UAP1: variants seen among roughly 807,000 people sequenced by gnomAD.
UAP1 encodes the protein UDP-N-acetylglucosamine pyrophosphorylase 1.
In UAP1, 25 loss-of-function variants were observed where a neutral mutation model predicts 58.5. The ratio of observed to expected loss-of-function variants is 0.43; its 90% CI spans 0.31 to 0.60. The LOEUF (loss-of-function observed/expected upper bound fraction) is 0.60, where lower values mean the gene tolerates loss of function less well. Among genes scored for constraint, UAP1 ranks in the 20% least tolerant of loss-of-function variants. UAP1 has a pLI of 0.11. For missense variants in UAP1, 575 were observed against 630.0 expected (o/e 0.91, Z 0.93); for synonymous variants, 208 against 213.0 (o/e 0.98, Z 0.21).
chr1:162,573,390 C>T (rs955122026), intron 2 of UAP1, among the ~76,000 whole-genome samples: 1 of 152,130 alleles, frequency 6.6e-6, no homozygotes, highest in Non-Finnish European at 1.5e-5. Context: ...AGACTCTTAA[C>T]TTCTCTGAGT....
chr1:162,572,698 C>G (rs553250494), intron 2 of UAP1, among the ~76,000 whole-genome samples: 2 of 152,246 alleles, frequency 1.3e-5, no homozygotes, highest in Admixed American at 6.5e-5. Flanking sequence ...ATTATAACAC[C>G]TTTGATGGTA....
chr1:162,575,784 T>G (rs374542759), intron 2 of UAP1, among the ~76,000 whole-genome samples: 1 of 151,232 alleles, frequency 6.6e-6, no homozygotes, highest in East Asian at 2.0e-4. Flanking sequence ...CACTGCAACC[T>G]CCGCCTTCTG....
At chr1:162,561,663 C>G (rs1024866091) in exon 1 of UAP1, 3 of 152,488 alleles carry the variant, frequency 2.0e-5, no homozygotes, top group South Asian at 4.1e-4. Context: ...CCCGGCCCGC[C>G]CCGCCGCCGC....
At chr1:162,588,367 G>T (rs1000844916) in intron 6 of UAP1, among the ~76,000 whole-genome samples, 1 of 152,106 alleles carries the variant, frequency 6.6e-6, no homozygotes, top group African/African-American at 2.4e-5. Flanking sequence ...TATGCCATTT[G>T]TAGCTGTGTT....
At chr1:162,583,432 C>T (rs1008256830) in intron 5 of UAP1, among the ~76,000 whole-genome samples, 7 of 151,788 alleles carry the variant, frequency 4.6e-5, no homozygotes, top group South Asian at 4.2e-4. Context: ...GGATTACAGG[C>T]GTGAGCCACC....
chr1:162,597,610 G>A (rs1162133224), intron 9 of UAP1, 182 bp from the exon 10 acceptor site: 6 of 530,158 alleles, frequency 1.1e-5, no homozygotes, highest in African/African-American at 9.7e-5. Context: ...CTTCTGACCT[G>A]AGAATTTCAT....
chr1:162,590,460 C>CA lies in UAP1; in HGVS notation c.1308dup (p.Gly437ArgfsTer7). On this transcript the variant is annotated frameshift_variant, in exon 8 of 11. Coordinates refer to ENST00000271469, the Ensembl canonical transcript of UAP1. LOFTEE classifies it high-confidence loss of function. The stretch of plus-strand genomic sequence containing the variant: ...CTTCATCATTGCTGGGTCCTCAATG[C>CA]AGGGGGCCATTTCATAGATGAAAAT... The CA allele has an allele frequency of 6.2e-7, 1 of 1,609,976 alleles. No individual in the cohort carries two copies. The highest frequency in any genetic ancestry group is 1.1e-5 in the South Asian group (1 of 90,208).
intron 4 of UAP1, among the ~76,000 whole-genome samples, chr1:162,579,883 G>T (rs1654476257): frequency 6.6e-6 from 1 of 151,968 alleles, no homozygotes; most frequent in African/African-American, 2.4e-5. Context: ...TACAATTTTT[G>T]AGACAGAGTC....
chr1:162,565,286 T>C (rs1379754841), intron 1 of UAP1, among the ~76,000 whole-genome samples: 2 of 152,314 alleles, frequency 1.3e-5, no homozygotes, highest in East Asian at 1.9e-4. Flanking sequence ...CATTTTCTTA[T>C]TTTTTAGCAC....
chr1:162,578,088 G>C lies in UAP1; in HGVS notation c.485+1107G>C, dbSNP rs79353300. On this transcript the variant is annotated intron_variant, in intron 3 of 10. Transcript: ENST00000271469. ...GAAGATCCTGCTCTGCTTTTTATAA[G>C]TTTTTGGTTCAGCTCTTTAGTCTCT... Among the ~76,000 whole-genome samples the C allele has an allele frequency of 2.0e-3, 304 of 152,218 alleles. 6 individuals carry two copies. The East Asian group carries it at 0.049, about 25-fold the overall frequency.
chr1:162,571,937 C>G (rs1653890415), intron 2 of UAP1, among the ~76,000 whole-genome samples: 1 of 152,188 alleles, frequency 6.6e-6, no homozygotes, highest in Non-Finnish European at 1.5e-5. Context: ...CCTTGATTCT[C>G]CAGGAACTGC....
At chr1:162,565,934 C>G (rs1653459841) in intron 1 of UAP1, 78 bp from the exon 2 acceptor site, 2 of 880,282 alleles carry the variant, frequency 2.3e-6, no homozygotes, top group East Asian at 2.6e-5. Flanking sequence ...TTGAAATATT[C>G]TTATTTTTAG....
intron 5 of UAP1, among the ~76,000 whole-genome samples, chr1:162,587,155 T>C (rs1255818102): frequency 2.0e-5 from 3 of 152,094 alleles, no homozygotes. Context: ...ACAAGATACA[T>C]GGGGGATGTT....
intron 1 of UAP1, among the ~76,000 whole-genome samples, chr1:162,564,026 G>A (rs1653341952): frequency 6.6e-6 from 1 of 152,074 alleles, no homozygotes; most frequent in East Asian, 1.9e-4. Context: ...GCATAAATAA[G>A]GTCTTGGGAA....
chr1:162,570,346 A>G (rs1653787842), intron 2 of UAP1, among the ~76,000 whole-genome samples: 2 of 152,180 alleles, frequency 1.3e-5, no homozygotes, highest in Non-Finnish European at 2.9e-5. Context: ...TTTATCATGA[A>G]AAATGTCAAG....
chr1:162,583,428 C>T (rs1225995441), intron 5 of UAP1, among the ~76,000 whole-genome samples: 2 of 151,984 alleles, frequency 1.3e-5, no homozygotes, highest in African/African-American at 4.8e-5. Flanking sequence ...GCTGGGATTA[C>T]AGGCGTGAGC....
At chr1:162,591,967 G>C (rs553456325) in intron 8 of UAP1, among the ~76,000 whole-genome samples, 7 of 152,150 alleles carry the variant, frequency 4.6e-5, no homozygotes, top group Non-Finnish European at 8.8e-5. Context: ...TGTATTTTAT[G>C]ATGAAACCTT....
At chr1:162,587,541 G>T (rs1229132364) in exon 6 of UAP1, 3 of 1,614,108 alleles carry the variant, frequency 1.9e-6, no homozygotes, top group Non-Finnish European at 2.5e-6. Flanking sequence ...AGTTTACCAG[G>T]TGGTAGAATA....
At chr1:162,581,161 C>A in intron 4 of UAP1, 126 bp from the exon 5 acceptor site, 1 of 1,010,798 alleles carries the variant, frequency 9.9e-7, no homozygotes, top group Non-Finnish European at 1.4e-6. Flanking sequence ...TATGGATATT[C>A]AGTTTTCTTG....
Sources: allele counts gnomAD v4.1 joint callset (sites outside exome capture counted in the v4.1 genomes callset), GRCh38; gene constraint gnomAD v4.1.1; transcripts MANE v1.5; gene names NCBI Gene and HGNC (gene_info 2026-07-23, HGNC 2026-07-21).